PABIR2: variants seen among roughly 807,000 people sequenced by gnomAD.
PABIR2 encodes family with sequence similarity 122B.
In PABIR2, 7 loss-of-function variants were observed where a neutral mutation model predicts 22.8. That is an observed-to-expected ratio of 0.31 (90% CI 0.17 to 0.58). The LOEUF (loss-of-function observed/expected upper bound fraction) is 0.58, where lower values mean the gene tolerates loss of function less well. Ranked by LOEUF, PABIR2 falls within the 20% of genes least tolerant of loss-of-function variation. PABIR2 has a pLI of 0.89. For synonymous variants in PABIR2, 67 were observed against 73.8 expected (o/e 0.91, Z 0.47); for missense variants, 155 against 205.1 (o/e 0.76, Z 1.49).
rs199568894 is a variant in PABIR2 at position 134,781,721 on chromosome X, CAA to C, written c.659+98_659+99del. The C allele has an allele frequency of 9.6e-6, 5 of 519,087 alleles. No homozygotes were observed. The African/African-American group carries it at 1.3e-4, about 13-fold the overall frequency. The allele number at this position is 519,087 out of a possible 1,213,427, so 42.8% of individuals were successfully genotyped here. A position where few individuals can be genotyped will look rare whatever the true frequency, so the allele number is the denominator to read the frequency against. ...ATAAAAAATAAATATTAACAAAATT[CAA>C]AAAAAAATATTTTAAATTATCCCAA... On this transcript the variant is annotated intron_variant, in intron 9 of 9. Transcript: ENST00000343004.
chrX:134,791,484 G>A (rs1009909810), intron 2 of PABIR2, among the ~76,000 whole-genome samples: 6 of 110,716 alleles, frequency 5.4e-5, no homozygotes, highest in African/African-American at 1.6e-4. Context: ...AGAGACCTAC[G>A]AAAAAGAAAA....
intron 1 of PABIR2, among the ~76,000 whole-genome samples, chrX:134,794,822 A>AGCTG (rs2079676050): frequency 1.8e-5 from 2 of 111,819 alleles, no homozygotes; most frequent in African/African-American, 6.5e-5. Flanking sequence ...TCAAAGAGAG[A>AGCTG]ACAGCCTCAG....
Sources: gnomAD v4.1 joint callset for allele counts (sites outside exome capture counted in the v4.1 genomes callset) on GRCh38, gnomAD v4.1.1 for gene constraint, MANE v1.5 for transcripts, NCBI Gene and HGNC (gene_info 2026-07-23, HGNC 2026-07-21) for gene names.